RGS12: variants seen among roughly 807,000 people sequenced by gnomAD.
RGS12 encodes the protein regulator of G protein signaling 12.
In RGS12, 66 loss-of-function variants were observed where a neutral mutation model predicts 120.1. The ratio of observed to expected loss-of-function variants is 0.55; its 90% confidence interval spans 0.45 to 0.67. The LOEUF (loss-of-function observed/expected upper bound fraction) is 0.67. RGS12 is among the 30% of genes least tolerant of loss of function. The pLI is 0.00. For missense variants in RGS12, 1,859 were observed against 1,957.7 expected, an observed-to-expected ratio of 0.95 and a Z score of 0.95; for synonymous variants, 827 against 804.7, an observed-to-expected ratio of 1.03 and a Z score of -0.47.
At chr4:3,319,779 A>G (rs1281896712) in intron 2 of RGS12, among the ~76,000 whole-genome samples, 2 of 152,164 alleles carry the variant, frequency 1.3e-5, no homozygotes, top group Admixed American at 6.5e-5. Context: ...CTGCAGCTGC[A>G]CGTGCTGCTG....
At position 3,430,778 on chromosome 4, in the gene RGS12, A is replaced by G; in HGVS notation, c.3937A>G (p.Thr1313Ala). The change falls in exon 17 of 18, where the codon ACC (threonine) becomes GCC (alanine). Residue 1313 changes from threonine to alanine, a missense_variant. Thr to Ala is a moderately conservative substitution (Grantham distance 58). This residue lies in a region of RGS12 where 517 missense variants were observed against 488.5 expected (regional missense o/e 1.06). Coordinates refer to ENST00000336727, the MANE Select transcript of RGS12 (RefSeq NM_001394154.1). ...QSPVSLAQEG[T>A]AQIWKRQSQE... ...CCCCGTCTCCCTCGCGCAGGAGGGC[A>G]CCGCCCAGATCTGGAAGAGGCAGTC... is the stretch of plus-strand genomic sequence containing the variant. 3.1e-6 allele frequency: 5 copies of G among 1,610,388 alleles called. No homozygotes were observed. The highest frequency in any genetic ancestry group is 4.2e-6 in the Non-Finnish European group (5 of 1,178,954).
intron 3 of RGS12, among the ~76,000 whole-genome samples, chr4:3,375,007 T>C (rs2343799): frequency 0.24 from 36,326 of 152,112 alleles, 4,848 homozygotes; most frequent in South Asian, 0.35. Context: ...AGCTTGCGTT[T>C]GCCATGCACC....
At chr4:3,423,451 G>C in intron 12 of RGS12, 64 bp from the exon 13 acceptor site, 1 of 1,599,248 alleles carries the variant, frequency 6.3e-7, no homozygotes, top group Non-Finnish European at 8.5e-7. Context: ...AGTTCTGCTC[G>C]TGAGACTGAT....
intron 6 of RGS12, 94 bp from the exon 7 acceptor site, chr4:3,415,884 C>A (rs1332666330): frequency 2.2e-6 from 3 of 1,379,714 alleles, no homozygotes; most frequent in Non-Finnish European, 3.0e-6. Context: ...CGTGAGAACA[C>A]ATCTGTAGAG....
intron 2 of RGS12, among the ~76,000 whole-genome samples, chr4:3,326,380 A>G (rs1399329715): frequency 3.9e-5 from 6 of 152,170 alleles, no homozygotes. Flanking sequence ...CCAAGTAGCT[A>G]GAACTACAGG....
intron 2 of RGS12, among the ~76,000 whole-genome samples, chr4:3,337,223 C>T (rs888519647): frequency 2.0e-5 from 3 of 152,146 alleles, no homozygotes; most frequent in South Asian, 2.1e-4. Flanking sequence ...AAAAATGACC[C>T]GTGTTGGGCA....
intron 3 of RGS12, among the ~76,000 whole-genome samples, chr4:3,381,766 A>G (rs1386426562): frequency 6.6e-6 from 1 of 152,246 alleles, no homozygotes; most frequent in Non-Finnish European, 1.5e-5. Flanking sequence ...CAACAAAACC[A>G]TATCACCTGG....
In RGS12 at chr4:3,414,076, G is replaced by A. The variant is rs760496422; in HGVS notation, c.2025G>A (p.Leu675=). 6.4e-7 allele frequency: 1 copy of A among 1,558,412 alleles called. No homozygotes were observed. Among genetic ancestry groups the A allele is most frequent in the South Asian group, 1.2e-5 (1 of 86,196 alleles). The change falls in exon 5 of 18, where the codon TTG becomes TTA. Residue 675 remains leucine, a synonymous_variant. Transcript: ENST00000336727. ...LESATVSDGE[L]TGADLKDCVS... ...CTGTCTGTGCTGGTCCCGCAGAGTT[G>A]ACGGGCGCCGACCTGAAGGACTGCG...
At chr4:3,295,001 C>G (rs111942507) in intron 1 of RGS12, among the ~76,000 whole-genome samples, 1,627 of 152,106 alleles carry the variant, frequency 0.011, 24 homozygotes, top group Middle Eastern at 0.034. Context: ...GGGAGGCACT[C>G]GACAGGCACT....
intron 3 of RGS12, among the ~76,000 whole-genome samples, chr4:3,350,030 A>C (rs1011104411): frequency 1.3e-5 from 2 of 152,184 alleles, no homozygotes; most frequent in African/African-American, 2.4e-5. Flanking sequence ...GAAAACTGAG[A>C]TATAGAAAAA....
chr4:3,417,305 A>G, intron 8 of RGS12, 83 bp from the exon 9 acceptor site: 1 of 1,436,194 alleles, frequency 7.0e-7, no homozygotes, highest in Non-Finnish European at 9.3e-7. Flanking sequence ...TTGTGTTTAC[A>G]GCTCAGTATT....
intron 1 of RGS12, among the ~76,000 whole-genome samples, chr4:3,305,798 T>G (rs757709411): frequency 3.9e-5 from 6 of 152,244 alleles, no homozygotes; most frequent in Non-Finnish European, 5.9e-5. Flanking sequence ...ACTGTCCCTC[T>G]GCCCTTGGAG....
chr4:3,310,145 G>A (rs1724288467), intron 1 of RGS12, among the ~76,000 whole-genome samples: 1 of 148,704 alleles, frequency 6.7e-6, no homozygotes, highest in Non-Finnish European at 1.5e-5. Context: ...GCCTGGGAAT[G>A]GCAGGTGTCT....
chr4:3,379,121 AACATGTGTGGCTTCACTT>A (rs1718006730), intron 3 of RGS12, among the ~76,000 whole-genome samples: 1 of 151,906 alleles, frequency 6.6e-6, no homozygotes, highest in African/African-American at 2.4e-5. Context: ...GATGAAGCCA[AACATGTGTGGCTTCACTT>A]ACATGTGGAC....
upstream of RGS12, among the ~76,000 whole-genome samples, chr4:3,289,361 C>A (rs560426235): frequency 6.6e-6 from 1 of 152,100 alleles, no homozygotes; most frequent in African/African-American, 2.4e-5. Flanking sequence ...CACCACCACG[C>A]CCAGCTAATT....
At chr4:3,423,110 G>T (rs573224009) in intron 12 of RGS12, 132 bp downstream of exon 12, 7 of 666,896 alleles carry the variant, frequency 1.0e-5, no homozygotes, top group Middle Eastern at 2.6e-4. Flanking sequence ...GTGTCGGGGC[G>T]GGGGGAGGGT....
intron 3 of RGS12, among the ~76,000 whole-genome samples, chr4:3,355,794 C>CAAAAAAA (rs372490658): frequency 1.7e-5 from 1 of 58,070 alleles, no homozygotes; most frequent in African/African-American, 6.2e-5. Flanking sequence ...GACCTTGTCT[C>CAAAAAAA]AAAAAAAAAA....
intron 7 of RGS12, 93 bp downstream of exon 7, chr4:3,416,214 A>T: frequency 7.0e-7 from 1 of 1,429,414 alleles, no homozygotes. Context: ...CAGGCAGGCC[A>T]GTGGATCGAG....
At position 3,436,129 on chromosome 4, in the gene RGS12, G is replaced by C. The variant is rs1418827429; in HGVS notation, c.4115-3326G>C. On this transcript the variant is annotated intron_variant, in intron 17 of 17. Transcript: ENST00000336727. The stretch of plus-strand genomic sequence containing the variant: ...GACCCACACGGACAGGGGGACCTTG[G>C]GGGGGTCACACTCTGGAACTAAGGT... Among the ~76,000 whole-genome samples the C allele has an allele frequency of 1.7e-5, 2 of 115,952 alleles. 1 individual carries two copies. The highest frequency in any genetic ancestry group is 5.1e-4 in the South Asian group (2 of 3,958). The allele number at this position is 115,952 out of a possible 152,430, so 76.1% of individuals were successfully genotyped here.
Sources: allele counts gnomAD v4.1 joint callset (sites outside exome capture counted in the v4.1 genomes callset), GRCh38; gene constraint gnomAD v4.1.1; regional missense constraint gnomAD v4.1.1; transcripts MANE v1.5; gene names NCBI Gene and HGNC (gene_info 2026-07-23, HGNC 2026-07-21).